Variants in MAL observed in about 807,000 individuals in gnomAD.
MAL encodes myelin and lymphocyte protein.
MAL carries 5 observed loss-of-function variants against 16.7 expected under a neutral mutation model. The observed-to-expected ratio is 0.30, with a 90% CI of 0.16 to 0.63. The LOEUF is 0.63. Ranked by LOEUF, MAL falls within the 30% of genes least tolerant of loss-of-function variation. The probability of loss-of-function intolerance (pLI) is 0.82; values close to 1 mark genes in which losing one functional copy is unlikely to be tolerated. For missense variants in MAL, 202 were observed against 195.8 expected (o/e 1.03, Z -0.19); for synonymous variants, 96 against 85.5 (o/e 1.12, Z -0.67).
chr2:95,028,152 CAAAAAAA>C (rs898443996), intron 1 of MAL, among the ~76,000 whole-genome samples: 22 of 39,690 alleles, frequency 5.5e-4, no homozygotes, highest in Admixed American at 2.2e-3. Flanking sequence ...ACTAAAAATA[CAAAAAAA>C]AAAAAAAAAA....
chr2:95,047,003 A>AGAGG (rs778899386), intron 1 of MAL, among the ~76,000 whole-genome samples: 4 of 149,608 alleles, frequency 2.7e-5, no homozygotes, highest in East Asian at 2.0e-4. Flanking sequence ...GGAAGGAAGG[A>AGAGG]GAGGGAGGGA....
At chr2:95,040,494 T>C (rs562691859) in intron 1 of MAL, among the ~76,000 whole-genome samples, 5 of 152,178 alleles carry the variant, frequency 3.3e-5, no homozygotes, top group African/African-American at 4.8e-5. Flanking sequence ...AATCAACCCA[T>C]AGAGCTGGGC....
intron 1 of MAL, among the ~76,000 whole-genome samples, chr2:95,030,155 C>A (rs1443014482): frequency 6.6e-6 from 1 of 152,194 alleles, no homozygotes; most frequent in African/African-American, 2.4e-5. Flanking sequence ...CTTGGCCCAG[C>A]ACCCCTATCC....
intron 3 of MAL, 76 bp downstream of exon 3, chr2:95,049,782 G>A: frequency 6.3e-7 from 1 of 1,585,134 alleles, no homozygotes; most frequent in Non-Finnish European, 8.6e-7. Context: ...AGGCTGCCTA[G>A]GCCCTTGGTC....
At chr2:95,035,860 G>C (rs1322791659) in intron 1 of MAL, among the ~76,000 whole-genome samples, 1 of 151,940 alleles carries the variant, frequency 6.6e-6, no homozygotes, top group Admixed American at 6.6e-5. Context: ...TAGTAGAGAC[G>C]GGGTTTCACC....
chr2:95,030,567 G>A (rs1288780529), intron 1 of MAL, among the ~76,000 whole-genome samples: 1 of 152,210 alleles, frequency 6.6e-6, no homozygotes, highest in Non-Finnish European at 1.5e-5. Context: ...GTCTCCCACA[G>A]AGTGCCAGGA....
intron 1 of MAL, among the ~76,000 whole-genome samples, chr2:95,034,671 G>A (rs1423710419): frequency 6.6e-6 from 1 of 152,122 alleles, no homozygotes; most frequent in Non-Finnish European, 1.5e-5. Context: ...GGATTGAGGG[G>A]CCTGGCAGGA....
intron 2 of MAL, 32 bp downstream of exon 2, chr2:95,048,158 AG>A (rs751633293): frequency 1.5e-5 from 23 of 1,573,762 alleles, no homozygotes; most frequent in Non-Finnish European, 2.0e-5. Context: ...TGCTGGTTGT[AG>A]GGGGGCGCAG....
At chr2:95,045,999 C>G (rs1674578237) in intron 1 of MAL, among the ~76,000 whole-genome samples, 1 of 152,240 alleles carries the variant, frequency 6.6e-6, no homozygotes, top group African/African-American at 2.4e-5. Context: ...GATCCATCAG[C>G]AGAGGACGCT....
intron 2 of MAL, among the ~76,000 whole-genome samples, chr2:95,048,698 AG>A (rs1674645666): frequency 2.6e-5 from 4 of 152,366 alleles, no homozygotes; most frequent in South Asian, 4.1e-4. Flanking sequence ...TACCTGCTGT[AG>A]GGGTGGTGGG....
At position 95,025,811 on chromosome 2, in the gene MAL, AC is replaced by A. The variant is rs1476388991; in HGVS notation, c.20del (p.Thr7ArgfsTer49). 40 of 1,562,304 alleles carry A rather than the reference AC, an allele frequency of 2.6e-5. No homozygotes were observed. Among genetic ancestry groups the A allele is most frequent in the Non-Finnish European group, 3.4e-5 (39 of 1,154,672 alleles). The stretch of plus-strand genomic sequence containing the variant: ...CGCCGTCATGGCCCCCGCAGCGGCG[AC>A]GGGGGGCAGCACCCTGCCCAGTGGC... MAPAAA[T>X]GGSTLPSGFS... On this transcript the variant is annotated frameshift_variant, in exon 1 of 4. Transcript: ENST00000309988. LOFTEE classifies it high-confidence loss of function. The surrounding 1 kb of genome is among the most constrained non-coding windows in gnomAD (Gnocchi z 5.6).
At chr2:95,049,858 C>A in intron 3 of MAL, 152 bp downstream of exon 3, 2 of 1,150,210 alleles carry the variant, frequency 1.7e-6, no homozygotes, top group East Asian at 2.5e-5. Context: ...CAGGAAAGCC[C>A]CCGAGAAGGG....
rs1463058566 is a variant in MAL at position 95,049,671 on chromosome 2, A to G, written c.352A>G (p.Thr118Ala). 1 of 1,613,906 alleles carries G rather than the reference A, an allele frequency of 6.2e-7. No homozygotes were observed. The highest frequency in any genetic ancestry group is 1.3e-5 in the African/African-American group (1 of 74,890). ...CACCATCACGATGCAAGACGGCTTC[A>G]CCTACAGGCACTACCATGAAAACAT... ...LATITMQDGF[T>A]YRHYHENIAA... The change falls in exon 3 of 4, where the codon ACC becomes GCC. Residue 118 changes from threonine (T) to alanine (A), a missense_variant. Transcript: ENST00000309988.
At chr2:95,049,239 C>T (rs1674658995) in intron 2 of MAL, among the ~76,000 whole-genome samples, 1 of 152,236 alleles carries the variant, frequency 6.6e-6, no homozygotes. Flanking sequence ...AGCGAGGCCA[C>T]ACCCAACCTG....
At chr2:95,053,103 C>T in intron 3 of MAL, 1 of 377,868 alleles carries the variant, frequency 2.6e-6, no homozygotes. Context: ...CAGCCGAAAC[C>T]TCAAGCTGAG....
chr2:95,051,670 C>T, intron 3 of MAL: 1 of 152,146 alleles, frequency 6.6e-6, no homozygotes, highest in East Asian at 1.9e-4. Flanking sequence ...CCATGACTGA[C>T]CATGTTCCCA....
chr2:95,035,561 C>T (rs1345463011), intron 1 of MAL, among the ~76,000 whole-genome samples: 4 of 152,098 alleles, frequency 2.6e-5, no homozygotes, highest in Admixed American at 2.6e-4. Context: ...ATGGGAGAGG[C>T]TTCCCTGGGG....
intron 1 of MAL, among the ~76,000 whole-genome samples, chr2:95,033,164 C>T (rs1237029442): frequency 3.3e-5 from 5 of 152,028 alleles, no homozygotes; most frequent in Admixed American, 1.3e-4. Context: ...ACGGGGGGCC[C>T]GGGAGGTGGG....
intron 1 of MAL, among the ~76,000 whole-genome samples, chr2:95,040,946 G>T (rs946635314): frequency 2.6e-5 from 4 of 152,188 alleles, no homozygotes; most frequent in African/African-American, 9.7e-5. Context: ...GAATTCTGAT[G>T]CTGGGCTCTG....
Sources: gnomAD v4.1 joint callset for allele counts (sites outside exome capture counted in the v4.1 genomes callset) on GRCh38, gnomAD v4.1.1 for gene constraint, Gnocchi (gnomAD v3.1) non-coding constraint, MANE v1.5 for transcripts, NCBI Gene and HGNC (gene_info 2026-07-23, HGNC 2026-07-21) for gene names.